Variants in CTIF observed in about 807,000 individuals in gnomAD.
CTIF encodes cap binding complex dependent translation initiation factor.
In CTIF, 21 loss-of-function variants were observed where a neutral mutation model predicts 66.0. The observed-to-expected ratio is 0.32, with a 90% confidence interval of 0.23 to 0.46. The LOEUF (loss-of-function observed/expected upper bound fraction) is 0.46, where lower values mean the gene tolerates loss of function less well. CTIF is among the 20% of genes least tolerant of loss of function. The pLI is 1.00. For missense variants in CTIF, 739 were observed against 812.7 expected, an observed-to-expected ratio of 0.91 and a Z score of 1.10; for synonymous variants, 345 against 326.4, an observed-to-expected ratio of 1.06 and a Z score of -0.62.
rs1909727374 is a variant in CTIF, at chr18:48,767,886, G to A, written c.1371+6197G>A. Among the ~76,000 whole-genome samples, 3 of 152,266 alleles carry A rather than the reference G, an allele frequency of 2.0e-5. No homozygotes were observed. The South Asian group carries it at 6.2e-4, about 32-fold the overall frequency. ...AGTGGTGACTCTGTGGGATCTCTGG[G>A]AATGACTTTAGCACAGAAGGGGCAC... On this transcript the variant is annotated intron_variant, in intron 9 of 11. Transcript: ENST00000256413.
At chr18:48,837,136 C>T (rs2068829759) in intron 10 of CTIF, among the ~76,000 whole-genome samples, 1 of 152,172 alleles carries the variant, frequency 6.6e-6, no homozygotes, top group African/African-American at 2.4e-5. Flanking sequence ...CATCCAATGC[C>T]CAGGGGCTGG....
At chr18:48,670,640 C>CCAAT (rs2091517337) in intron 5 of CTIF, 29 bp from the exon 6 acceptor site, 3 of 1,604,618 alleles carry the variant, frequency 1.9e-6, no homozygotes, top group Non-Finnish European at 1.7e-6. Flanking sequence ...AGCCATCTTT[C>CCAAT]CAATGCCTTT....
At chr18:48,652,888 TC>T (rs2144785277) in intron 3 of CTIF, among the ~76,000 whole-genome samples, 1 of 152,342 alleles carries the variant, frequency 6.6e-6, no homozygotes, top group African/African-American at 2.4e-5. Flanking sequence ...CACATGATTA[TC>T]TCAATAGATG....
intron 6 of CTIF, among the ~76,000 whole-genome samples, chr18:48,689,234 G>A (rs1050334132): frequency 2.7e-4 from 41 of 152,204 alleles, no homozygotes; most frequent in African/African-American, 8.9e-4. Flanking sequence ...CCTGAAGGAG[G>A]CCACTAGCCA....
At chr18:48,699,767 G>A (rs764588773) in intron 6 of CTIF, among the ~76,000 whole-genome samples, 7 of 152,314 alleles carry the variant, frequency 4.6e-5, no homozygotes, top group African/African-American at 9.6e-5. Flanking sequence ...TCTGATATGC[G>A]TATGCTTCTT....
chr18:48,707,382 T>G (rs9960507), intron 6 of CTIF, among the ~76,000 whole-genome samples: 15,366 of 152,200 alleles, frequency 0.1, 965 homozygotes, highest in Middle Eastern at 0.14. Flanking sequence ...AACGTATTGG[T>G]CCTTCCTGTC....
chr18:48,655,594 A>C (rs1385262724), intron 3 of CTIF, among the ~76,000 whole-genome samples: 1 of 152,130 alleles, frequency 6.6e-6, no homozygotes, highest in East Asian at 1.9e-4. Flanking sequence ...CACCACCTTT[A>C]TCTCTCTCAT....
At chr18:48,845,814 A>G (rs866056496) in intron 10 of CTIF, among the ~76,000 whole-genome samples, 19 of 152,190 alleles carry the variant, frequency 1.2e-4, no homozygotes, top group African/African-American at 4.3e-4. Flanking sequence ...ACCAAACCCC[A>G]AACCTGGGGG....
intron 7 of CTIF, among the ~76,000 whole-genome samples, chr18:48,737,594 C>G (rs2092514686): frequency 6.6e-6 from 1 of 150,860 alleles, no homozygotes; most frequent in South Asian, 2.1e-4. Flanking sequence ...GAAGGAAATA[C>G]ATGAACCTTA....
intron 10 of CTIF, among the ~76,000 whole-genome samples, chr18:48,844,926 A>G (rs747379343): frequency 6.6e-6 from 1 of 152,072 alleles, no homozygotes; most frequent in Non-Finnish European, 1.5e-5. Context: ...TATGTACTTG[A>G]TCCTTTCCTC....
At chr18:48,704,762 TGCAGTA>T (rs779162721) in intron 6 of CTIF, among the ~76,000 whole-genome samples, 35 of 152,326 alleles carry the variant, frequency 2.3e-4, no homozygotes, top group Non-Finnish European at 4.9e-4. Context: ...TAATTACACC[TGCAGTA>T]GCCCTCTTTC....
chr18:48,809,034 G>C (rs1029798513), intron 9 of CTIF, among the ~76,000 whole-genome samples: 10 of 152,102 alleles, frequency 6.6e-5, no homozygotes, highest in Non-Finnish European at 1.3e-4. Context: ...GTGTTTCTTC[G>C]CTAGTTGAAG....
At chr18:48,788,866 C>T (rs1429705232) in intron 9 of CTIF, among the ~76,000 whole-genome samples, 3 of 152,114 alleles carry the variant, frequency 2.0e-5, no homozygotes, top group Non-Finnish European at 4.4e-5. Context: ...ACAGTGGACA[C>T]GGATGCTAGA....
At chr18:48,681,414 A>C (rs1415992598) in intron 6 of CTIF, among the ~76,000 whole-genome samples, 17 of 152,138 alleles carry the variant, frequency 1.1e-4, no homozygotes, top group Admixed American at 1.1e-3. Context: ...TGGGGCCCCC[A>C]GCTGGATGCT....
At chr18:48,709,845 C>T (rs918523443) in intron 6 of CTIF, among the ~76,000 whole-genome samples, 1 of 152,216 alleles carries the variant, frequency 6.6e-6, no homozygotes, top group Non-Finnish European at 1.5e-5. Context: ...GCCTGGAGCC[C>T]GGAATTCATT....
intron 2 of CTIF, among the ~76,000 whole-genome samples, chr18:48,630,867 C>T (rs973252785): frequency 6.6e-6 from 1 of 151,216 alleles, no homozygotes; most frequent in Non-Finnish European, 1.5e-5. Context: ...TTAGTAGAGA[C>T]GGGGTTTCAC....
In CTIF at chr18:48,817,282, T is replaced by A. The variant is rs764926578; in HGVS notation, c.1433T>A (p.Ile478Asn). 6 of 1,614,030 alleles carry A rather than the reference T, an allele frequency of 3.7e-6. No homozygotes were observed. The Admixed American group carries it at 1.0e-4, about 27-fold the overall frequency. The change falls in exon 10 of 12, where the codon ATC (isoleucine) becomes AAC (asparagine). Residue 478 changes from isoleucine (I) to asparagine (N), a missense_variant. Around this residue, in one of 2 missense-constraint regions of CTIF, gnomAD observed 210 missense variants for 292.3 expected, o/e 0.72. Transcript: ENST00000256413. ...GACGTGGAGCGCTGGCTGGGCTTCA[T>A]CACCTTCCTGTGCGAGGTCTTCGGC... Reference protein sequence around the residue: ...QQDVERWLGFITFLCEVFGTM... With the variant: ...QQDVERWLGFNTFLCEVFGTM...
intron 1 of CTIF, among the ~76,000 whole-genome samples, chr18:48,603,007 G>A (rs1266169262): frequency 6.6e-6 from 1 of 151,418 alleles, no homozygotes; most frequent in Non-Finnish European, 1.5e-5. Context: ...ATGAATGAAT[G>A]GGTAGATGAA....
chr18:48,693,527 T>C (rs2091962899), intron 6 of CTIF, among the ~76,000 whole-genome samples: 1 of 152,118 alleles, frequency 6.6e-6, no homozygotes, highest in South Asian at 2.1e-4. Flanking sequence ...CTCAGGTAAA[T>C]GTAACCCCTT....
Sources: allele counts gnomAD v4.1 joint callset (sites outside exome capture counted in the v4.1 genomes callset), GRCh38; gene constraint gnomAD v4.1.1; regional missense constraint gnomAD v4.1.1; transcripts MANE v1.5; gene names NCBI Gene and HGNC (gene_info 2026-07-23, HGNC 2026-07-21).